ZFPM2: variants seen among roughly 807,000 people sequenced by gnomAD.
ZFPM2 encodes zinc finger protein, FOG family member 2.
In ZFPM2, 20 loss-of-function variants were observed where a neutral mutation model predicts 98.6. The observed-to-expected ratio is 0.20, with a 90% CI of 0.14 to 0.29. The LOEUF (loss-of-function observed/expected upper bound fraction) is 0.29, where lower values mean the gene tolerates loss of function less well. Ranked by LOEUF, ZFPM2 falls within the 10% of genes least tolerant of loss-of-function variation. The pLI is 1.00. For missense variants in ZFPM2, 1,310 were observed against 1,388.6 expected (o/e 0.94, Z 0.90); for synonymous variants, 518 against 502.7 (o/e 1.03, Z -0.41).
chr8:105,700,110 A>G (rs1338892558), intron 5 of ZFPM2, among the ~76,000 whole-genome samples: 1 of 152,210 alleles, frequency 6.6e-6, no homozygotes, highest in African/African-American at 2.4e-5. Context: ...ACTTAATGGA[A>G]GTTAGCTGAG....
At chr8:105,437,907 G>A (rs1812157841) in intron 2 of ZFPM2, among the ~76,000 whole-genome samples, 2 of 152,064 alleles carry the variant, frequency 1.3e-5, no homozygotes. Flanking sequence ...GATGGGCATG[G>A]TGGTGCGCAT....
At chr8:105,731,523 G>A (rs1450221003) in intron 5 of ZFPM2, among the ~76,000 whole-genome samples, 15 of 151,604 alleles carry the variant, frequency 9.9e-5, no homozygotes, top group Admixed American at 8.6e-4. Flanking sequence ...CCTTCTACAT[G>A]TAAGACATAT....
chr8:105,685,453 A>C (rs1356897072), intron 5 of ZFPM2, among the ~76,000 whole-genome samples: 1 of 152,126 alleles, frequency 6.6e-6, no homozygotes, highest in African/African-American at 2.4e-5. Context: ...GAAGATCTAT[A>C]GTCTGCTTAC....
intron 3 of ZFPM2, among the ~76,000 whole-genome samples, chr8:105,529,494 G>C (rs1814247912): frequency 6.6e-6 from 1 of 151,840 alleles, no homozygotes. Flanking sequence ...GAGTAACACG[G>C]AATATGTTGC....
intron 4 of ZFPM2, among the ~76,000 whole-genome samples, chr8:105,628,128 A>T (rs564315675): frequency 6.6e-6 from 1 of 152,318 alleles, no homozygotes; most frequent in African/African-American, 2.4e-5. Flanking sequence ...TGAAATAAAA[A>T]TTAGCCCCAC....
At chr8:105,364,869 A>G (rs989444871) in intron 1 of ZFPM2, among the ~76,000 whole-genome samples, 7 of 152,086 alleles carry the variant, frequency 4.6e-5, no homozygotes, top group Non-Finnish European at 1.0e-4. Context: ...CTGAAGGTCT[A>G]TGGTCTTGGT....
At chr8:105,451,525 C>A (rs918088269) in intron 3 of ZFPM2, 3 of 151,978 alleles carry the variant, frequency 2.0e-5, no homozygotes, top group African/African-American at 7.3e-5. Context: ...TAGGGTGGAC[C>A]CTTAATCCAG....
At chr8:105,346,245 G>A (rs1390682059) in intron 1 of ZFPM2, among the ~76,000 whole-genome samples, 2 of 151,840 alleles carry the variant, frequency 1.3e-5, no homozygotes, top group Admixed American at 6.6e-5. Context: ...TTAGCCGGGC[G>A]TGGTGGTGCA....
At chr8:105,343,560 G>C (rs1238748602) in intron 1 of ZFPM2, among the ~76,000 whole-genome samples, 1 of 152,088 alleles carries the variant, frequency 6.6e-6, no homozygotes, top group Non-Finnish European at 1.5e-5. Context: ...AGGGTGCTCT[G>C]GGTCTACATT....
intron 1 of ZFPM2, among the ~76,000 whole-genome samples, chr8:105,409,517 C>A (rs1811534148): frequency 6.6e-6 from 1 of 152,012 alleles, no homozygotes; most frequent in South Asian, 2.1e-4. Context: ...TGCCACTTAT[C>A]AGGATTTGTC....
At chr8:105,661,732 C>T (rs1379335394) in intron 5 of ZFPM2, among the ~76,000 whole-genome samples, 1 of 151,768 alleles carries the variant, frequency 6.6e-6, no homozygotes, top group African/African-American at 2.4e-5. Context: ...GGGAGACTTG[C>T]ACCATAAAGA....
Position 105,754,561 on chromosome 8 carries a change from T to C in ZFPM2, c.533-34157T>C, listed in dbSNP as rs1052546621. On this transcript the variant is annotated intron_variant, in intron 5 of 7. Coordinates refer to ENST00000407775, the MANE Select transcript of ZFPM2 (RefSeq NM_012082.4). ...GAGCAAAGTCTTTGTCTAGGGCCCC[T>C]GATCTCAAGATGAATATTGTGCCTC... 2.0e-5 allele frequency among the ~76,000 whole-genome samples: 3 copies of C among 152,126 alleles called. No homozygotes were observed. The South Asian group carries it at 6.2e-4, about 31-fold the overall frequency.
chr8:105,355,102 C>T (rs1160040742), intron 1 of ZFPM2, among the ~76,000 whole-genome samples: 7 of 152,050 alleles, frequency 4.6e-5, no homozygotes, highest in Non-Finnish European at 7.4e-5. Context: ...AATTTATTCA[C>T]GGAAAATATG....
chr8:105,389,109 A>G (rs1422629956), intron 1 of ZFPM2, among the ~76,000 whole-genome samples: 1 of 151,142 alleles, frequency 6.6e-6, no homozygotes, highest in Non-Finnish European at 1.5e-5. Context: ...TGGATGGCCC[A>G]CTTAACAGAG....
intron 2 of ZFPM2, among the ~76,000 whole-genome samples, chr8:105,436,408 A>T (rs1338819528): frequency 6.6e-6 from 1 of 151,714 alleles, no homozygotes; most frequent in Non-Finnish European, 1.5e-5. Flanking sequence ...GGGCCCAGCT[A>T]CTTGGGAAGG....
At chr8:105,438,302 C>T (rs1352856894) in intron 2 of ZFPM2, among the ~76,000 whole-genome samples, 1 of 152,176 alleles carries the variant, frequency 6.6e-6, no homozygotes, top group Non-Finnish European at 1.5e-5. Flanking sequence ...GTATCCTACA[C>T]TGGTCTATAT....
chr8:105,423,750 C>A (rs2130104221), intron 2 of ZFPM2, among the ~76,000 whole-genome samples: 1 of 152,216 alleles, frequency 6.6e-6, no homozygotes, highest in South Asian at 2.1e-4. Context: ...TGGAAAGCAA[C>A]CTTGGGAGTT....
intron 2 of ZFPM2, among the ~76,000 whole-genome samples, chr8:105,422,448 AAATAAT>A (rs35747182): frequency 6.6e-5 from 10 of 151,262 alleles, no homozygotes; most frequent in South Asian, 2.1e-4. Context: ...CTCAAAAAGA[AAATAAT>A]AATAATAATA....
chr8:105,780,620 G>T (rs1813221702), intron 5 of ZFPM2: 1 of 152,268 alleles, frequency 6.6e-6, no homozygotes, highest in African/African-American at 2.4e-5. Flanking sequence ...GGTGGCTCAT[G>T]CCTGTAATCC....
Sources: gnomAD v4.1 joint callset for allele counts (sites outside exome capture counted in the v4.1 genomes callset) on GRCh38, gnomAD v4.1.1 for gene constraint, MANE v1.5 for transcripts, NCBI Gene and HGNC (gene_info 2026-07-23, HGNC 2026-07-21) for gene names.